CCDC6: variants seen among roughly 807,000 people sequenced by gnomAD.
CCDC6 encodes the protein coiled-coil domain-containing protein 6.
Under a neutral mutation model 56.6 loss-of-function variants are expected in CCDC6, and 20 were observed. The observed-to-expected ratio is 0.35, with a 90% confidence interval of 0.25 to 0.51. The LOEUF (loss-of-function observed/expected upper bound fraction) is 0.51, where lower values mean the gene tolerates loss of function less well. CCDC6 is among the 20% of genes least tolerant of loss of function. The pLI is 0.95. For synonymous variants in CCDC6, 241 were observed against 234.4 expected, an observed-to-expected ratio of 1.03 and a Z score of -0.26; for missense variants, 367 against 601.1, an observed-to-expected ratio of 0.61 and a Z score of 4.07.
intron 1 of CCDC6, among the ~76,000 whole-genome samples, chr10:59,869,029 T>C (rs1302092862): frequency 6.6e-6 from 1 of 152,030 alleles, no homozygotes; most frequent in Non-Finnish European, 1.5e-5. Context: ...TCACCAAACC[T>C]GAGGGTGGTC....
chr10:59,839,935 C>T (rs1246367730), intron 2 of CCDC6, among the ~76,000 whole-genome samples: 1 of 152,184 alleles, frequency 6.6e-6, no homozygotes, highest in East Asian at 1.9e-4. Flanking sequence ...AACTGATTCT[C>T]CTGCCTCAGC....
intron 1 of CCDC6, among the ~76,000 whole-genome samples, chr10:59,883,168 C>A (rs1460985236): frequency 6.6e-6 from 1 of 152,134 alleles, no homozygotes; most frequent in Admixed American, 6.5e-5. Flanking sequence ...TCTGTTCCAT[C>A]AATGGACTCT....
chr10:59,828,428 T>C (rs1219338013), intron 3 of CCDC6, among the ~76,000 whole-genome samples: 1 of 152,206 alleles, frequency 6.6e-6, no homozygotes, highest in Non-Finnish European at 1.5e-5. Context: ...TTTAAGATGC[T>C]AAATAAATGC....
chr10:59,835,228 A>G (rs886951403), intron 2 of CCDC6, among the ~76,000 whole-genome samples: 1 of 152,226 alleles, frequency 6.6e-6, no homozygotes, highest in African/African-American at 2.4e-5. Context: ...GAGGTAAACT[A>G]AAACAATAAA....
In CCDC6 at chr10:59,798,378, A is replaced by G. The variant is rs138182627; in HGVS notation, c.1106-3781T>C. Among the ~76,000 whole-genome samples, 4 of 152,318 alleles carry G rather than the reference A, an allele frequency of 2.6e-5. No homozygotes were observed. In the East Asian group the frequency reaches 7.7e-4, roughly 29 times the overall value. On this transcript the variant is annotated intron_variant, in intron 7 of 8. Transcript: ENST00000263102. ...AGCCAAGCCTTCCTTTAGTTGTGCT[A>G]TTATCGCAGGACTTTTCTGTGCCCT...
chr10:59,840,924 G>C (rs1189452549), intron 2 of CCDC6, among the ~76,000 whole-genome samples: 1 of 152,128 alleles, frequency 6.6e-6, no homozygotes, highest in East Asian at 1.9e-4. Flanking sequence ...AATATGCATT[G>C]CTCCCACCTT....
intron 2 of CCDC6, among the ~76,000 whole-genome samples, chr10:59,846,423 C>G (rs1434234310): frequency 6.6e-6 from 1 of 152,174 alleles, no homozygotes; most frequent in Non-Finnish European, 1.5e-5. Context: ...GTTTTGCCCA[C>G]AACTTCCTTC....
At chr10:59,871,057 A>G (rs1048434302) in intron 1 of CCDC6, among the ~76,000 whole-genome samples, 1 of 152,246 alleles carries the variant, frequency 6.6e-6, no homozygotes, top group Admixed American at 6.5e-5. Flanking sequence ...TAAATTGGAG[A>G]GGCAAAATGC....
chr10:59,833,778 A>C (rs140596692), intron 2 of CCDC6, among the ~76,000 whole-genome samples: 49 of 152,260 alleles, frequency 3.2e-4, no homozygotes, highest in African/African-American at 1.0e-3. Context: ...CTGCTCCCTA[A>C]TTTTATGTTC....
Position 59,788,936 on chromosome 10 carries a change from G to A in CCDC6, c.*3981C>T, listed in dbSNP as rs1257936776. The stretch of plus-strand genomic sequence containing the variant: ...AGAACTCCAACCTAGTCAAGTTGTA[G>A]ACAAGCTATCATGAACAACATACAG... On this transcript the variant is annotated 3_prime_UTR_variant, in exon 9 of 9. Transcript: ENST00000263102. 4.7e-6 allele frequency: 1 copy of A among 213,384 alleles called. No homozygotes were observed. Among genetic ancestry groups the A allele is most frequent in the Non-Finnish European group, 9.5e-6 (1 of 105,580 alleles). 13.2% of individuals were successfully genotyped at this position (213,384 alleles called of 1,614,324 possible).
At chr10:59,869,844 G>A (rs548056892) in intron 1 of CCDC6, among the ~76,000 whole-genome samples, 22 of 152,024 alleles carry the variant, frequency 1.4e-4, no homozygotes, top group African/African-American at 4.3e-4. Context: ...CTCTTGCCCC[G>A]ACACCCACGA....
chr10:59,902,445 G>C (rs2071510739), intron 1 of CCDC6, among the ~76,000 whole-genome samples: 1 of 140,802 alleles, frequency 7.1e-6, no homozygotes, highest in Non-Finnish European at 1.5e-5. Flanking sequence ...CCAGACTGGA[G>C]TGCAGTGGTG....
chr10:59,808,433 T>C (rs898215029), intron 5 of CCDC6, among the ~76,000 whole-genome samples: 1 of 152,170 alleles, frequency 6.6e-6, no homozygotes, highest in African/African-American at 2.4e-5. Context: ...ACCGCCCCCA[T>C]TCCTTTCTGG....
intron 1 of CCDC6, among the ~76,000 whole-genome samples, chr10:59,893,401 T>C (rs995397043): frequency 7.9e-5 from 12 of 151,942 alleles, no homozygotes; most frequent in African/African-American, 2.9e-4. Flanking sequence ...GAGCTGGAGA[T>C]CAGCCTGGGC....
At chr10:59,796,832 A>T (rs542463031) in intron 7 of CCDC6, among the ~76,000 whole-genome samples, 1 of 152,162 alleles carries the variant, frequency 6.6e-6, no homozygotes, top group African/African-American at 2.4e-5. Context: ...TTAGCTGGGC[A>T]TGGTGGCGGG....
intron 2 of CCDC6, 61 bp downstream of exon 2, chr10:59,852,492 T>C: frequency 7.1e-7 from 1 of 1,407,492 alleles, no homozygotes; most frequent in Non-Finnish European, 9.6e-7. Flanking sequence ...TATATCAAAG[T>C]CATTTTCTCC....
Position 59,906,325 on chromosome 10 carries a change from C to T in CCDC6, c.100G>A (p.Gly34Ser), listed in dbSNP as rs766628863. Residue 34 changes from glycine to serine, a missense_variant, in exon 1 of 9, where the codon GGC (glycine) becomes AGC (serine). Physicochemically the swap from Gly to Ser is moderately conservative, Grantham distance 56 (BLOSUM62 0). Coordinates refer to ENST00000263102, the MANE Select transcript of CCDC6 (RefSeq NM_005436.5). ...CCGCCGCCTCCCCCGCCGCCACCGCCGCCGCCCGAGGTCGACGAGCAGGAC... is the reference window on the plus strand; with the variant it reads ...CCGCCGCCTCCCCCGCCGCCACCGCTGCCGCCCGAGGTCGACGAGCAGGAC... ...QSSCSSTSGG[G>S]GGGGGGGGGG... 4 of 1,600,632 alleles carry T rather than the reference C, an allele frequency of 2.5e-6. No homozygotes were observed. In the East Asian group the frequency reaches 6.7e-5, roughly 27 times the overall value.
chr10:59,820,940 C>A (rs967542569), intron 3 of CCDC6, among the ~76,000 whole-genome samples: 4 of 151,508 alleles, frequency 2.6e-5, no homozygotes, highest in African/African-American at 9.7e-5. Flanking sequence ...CTTCCCAAAG[C>A]CTTTCAGCTT....
intron 1 of CCDC6, among the ~76,000 whole-genome samples, chr10:59,866,161 C>T (rs2132665147): frequency 6.6e-6 from 1 of 152,346 alleles, no homozygotes; most frequent in South Asian, 2.1e-4. Flanking sequence ...TGGAATGTGA[C>T]ACTGCATACG....
Sources: gnomAD v4.1 joint callset for allele counts (sites outside exome capture counted in the v4.1 genomes callset) on GRCh38, gnomAD v4.1.1 for gene constraint, MANE v1.5 for transcripts, NCBI Gene and HGNC (gene_info 2026-07-23, HGNC 2026-07-21) for gene names.